Variants in RGS6 observed in about 807,000 individuals in gnomAD.
The protein encoded by RGS6 is regulator of G protein signaling 6, also known as regulator of G-protein signaling 6.
A neutral mutation model predicts 78.5 loss-of-function variants in RGS6; 30 were observed. That is an observed-to-expected ratio of 0.38 (90% CI 0.29 to 0.52). The LOEUF (loss-of-function observed/expected upper bound fraction) is 0.52. RGS6 is among the 20% of genes least tolerant of loss of function. RGS6 has a pLI of 0.85. For missense variants in RGS6, 495 were observed against 609.7 expected (o/e 0.81, Z 1.98); for synonymous variants, 206 against 206.0 (o/e 1.00, Z 0.00).
chr14:72,292,178 A>C (rs905624470), intron 2 of RGS6, among the ~76,000 whole-genome samples: 2 of 152,342 alleles, frequency 1.3e-5, no homozygotes, highest in Middle Eastern at 3.4e-3. Flanking sequence ...CCAGGGCATC[A>C]AACATTTTAT....
chr14:72,265,078 C>T (rs1261112923), intron 2 of RGS6, among the ~76,000 whole-genome samples: 3 of 152,142 alleles, frequency 2.0e-5, no homozygotes, highest in Admixed American at 6.5e-5. Flanking sequence ...AGGGGATAGT[C>T]TTCTCATTAG....
chr14:72,300,861 G>A (rs2065905654), intron 2 of RGS6, among the ~76,000 whole-genome samples: 1 of 152,158 alleles, frequency 6.6e-6, no homozygotes, highest in Non-Finnish European at 1.5e-5. Context: ...AATGCAATGT[G>A]GATGAGACTG....
At chr14:72,205,399 G>A (rs527321439) in intron 2 of RGS6, among the ~76,000 whole-genome samples, 62 of 152,310 alleles carry the variant, frequency 4.1e-4, no homozygotes, top group African/African-American at 1.3e-3. Context: ...ACTATGCAAC[G>A]TGCAAGCAGG....
intron 3 of RGS6, among the ~76,000 whole-genome samples, chr14:72,416,410 C>G (rs2093813091): frequency 6.6e-6 from 1 of 152,128 alleles, no homozygotes; most frequent in African/African-American, 2.4e-5. Context: ...TATGTCGGTA[C>G]TTTGTATTAA....
intron 2 of RGS6, among the ~76,000 whole-genome samples, chr14:72,215,295 G>A (rs1599673791): frequency 1.3e-5 from 2 of 152,190 alleles, no homozygotes; most frequent in East Asian, 1.9e-4. Context: ...TTGAGGCTGT[G>A]TCTATTTCTG....
At chr14:72,353,070 A>G (rs2079449792) in intron 3 of RGS6, among the ~76,000 whole-genome samples, 1 of 152,174 alleles carries the variant, frequency 6.6e-6, no homozygotes, top group Non-Finnish European at 1.5e-5. Context: ...ATGTGAAGCA[A>G]CTGGAACTCT....
chr14:72,590,047 A>C, the RGS6 span, among the ~76,000 whole-genome samples: 1 of 152,256 alleles, frequency 6.6e-6, no homozygotes, highest in Admixed American at 6.5e-5. Flanking sequence ...AAGATGCTCA[A>C]CATTAGTAGT....
intron 2 of RGS6, among the ~76,000 whole-genome samples, chr14:72,038,121 C>T (rs1014610318): frequency 2.6e-5 from 4 of 152,070 alleles, no homozygotes; most frequent in Non-Finnish European, 5.9e-5. Context: ...AGGCACATGC[C>T]ACCATGCCTG....
At chr14:72,302,664 C>G (rs1435901435) in intron 2 of RGS6, among the ~76,000 whole-genome samples, 4 of 150,358 alleles carry the variant, frequency 2.7e-5, no homozygotes, top group Non-Finnish European at 5.9e-5. Context: ...CAGAGGCCCC[C>G]AACACACACA....
intron 2 of RGS6, among the ~76,000 whole-genome samples, chr14:72,214,003 A>G (rs555336555): frequency 7.2e-5 from 11 of 152,168 alleles, no homozygotes; most frequent in South Asian, 2.1e-4. Context: ...AGTGAGGCCA[A>G]TTCTGGGTGG....
At chr14:72,063,494 G>A (rs897029635) in intron 2 of RGS6, among the ~76,000 whole-genome samples, 6 of 152,150 alleles carry the variant, frequency 3.9e-5, no homozygotes, top group African/African-American at 1.4e-4. Context: ...AAGAGATGAG[G>A]AAATAAAGAT....
chr14:71,911,139 A>G, the RGS6 span, among the ~76,000 whole-genome samples: 1 of 152,192 alleles, frequency 6.6e-6, no homozygotes, highest in Non-Finnish European at 1.5e-5. Context: ...TAACTTATTA[A>G]TAGGCAGAGT....
intron 3 of RGS6, among the ~76,000 whole-genome samples, chr14:72,370,577 G>A (rs577125886): frequency 4.7e-4 from 71 of 152,226 alleles, no homozygotes; most frequent in African/African-American, 1.7e-3. Context: ...GGGTAAACAT[G>A]TGTTAGGCCT....
the RGS6 span, among the ~76,000 whole-genome samples, chr14:72,599,428 A>G: frequency 2.1e-5 from 1 of 48,376 alleles, no homozygotes; most frequent in East Asian, 7.9e-4. Flanking sequence ...TTTTTTTTTG[A>G]GACAGAGTCT....
intron 2 of RGS6, among the ~76,000 whole-genome samples, chr14:72,226,496 A>C (rs1411289904): frequency 2.0e-5 from 3 of 152,194 alleles, no homozygotes; most frequent in Non-Finnish European, 4.4e-5. Flanking sequence ...CTATGGCTTG[A>C]TATATCTGGG....
intron 2 of RGS6, among the ~76,000 whole-genome samples, chr14:72,034,191 G>T (rs1214079772): frequency 1.3e-5 from 2 of 152,074 alleles, no homozygotes; most frequent in African/African-American, 4.8e-5. Flanking sequence ...GCTTGGGTTA[G>T]GACTTCTAGT....
intron 2 of RGS6, among the ~76,000 whole-genome samples, chr14:72,309,218 C>T (rs1215281197): frequency 1.3e-5 from 2 of 152,192 alleles, no homozygotes; most frequent in Non-Finnish European, 2.9e-5. Context: ...CCCCAGCACC[C>T]TCAGAGGTCA....
chr14:72,158,768 A>G (rs181061928), intron 2 of RGS6, among the ~76,000 whole-genome samples: 1 of 152,372 alleles, frequency 6.6e-6, no homozygotes, highest in African/African-American at 2.4e-5. Flanking sequence ...AAGTACTGAT[A>G]TATGACAACT....
intron 2 of RGS6, among the ~76,000 whole-genome samples, chr14:72,301,612 T>C (rs2066077583): frequency 6.6e-6 from 1 of 152,142 alleles, no homozygotes; most frequent in African/African-American, 2.4e-5. Context: ...TAAACAGAAA[T>C]TTGCAATCTC....
Sources: allele counts gnomAD v4.1 joint callset (sites outside exome capture counted in the v4.1 genomes callset), GRCh38; gene constraint gnomAD v4.1.1; transcripts MANE v1.5; gene names NCBI Gene and HGNC (gene_info 2026-07-23, HGNC 2026-07-21).